CDH13: variants seen among roughly 807,000 people sequenced by gnomAD.
CDH13 encodes cadherin 13.
A neutral mutation model predicts 63.8 loss-of-function variants in CDH13; 24 were observed. That is an observed-to-expected ratio of 0.38 (90% CI 0.27 to 0.53). The LOEUF (loss-of-function observed/expected upper bound fraction) is 0.53, where lower values mean the gene tolerates loss of function less well. CDH13 is among the 20% of genes least tolerant of loss of function. The pLI is 0.85. For missense variants in CDH13, 1,049 were observed against 903.1 expected (o/e 1.16, Z -2.07); for synonymous variants, 503 against 355.3 (o/e 1.42, Z -4.67).
intron 2 of CDH13, among the ~76,000 whole-genome samples, chr16:82,983,772 C>G (rs1910590568): frequency 6.6e-6 from 1 of 152,164 alleles, no homozygotes; most frequent in South Asian, 2.1e-4. Context: ...GTGTGTCTCT[C>G]TGAATTAGTG....
intron 7 of CDH13, among the ~76,000 whole-genome samples, chr16:83,500,300 C>CT (rs1555561933): frequency 0.014 from 13 of 942 alleles, no homozygotes; most frequent in East Asian, 0.25. Flanking sequence ...TCTTCTCCTT[C>CT]TCCTTCTCCT....
intron 10 of CDH13, among the ~76,000 whole-genome samples, chr16:83,684,710 G>A (rs182902956): frequency 8.7e-4 from 132 of 152,298 alleles, no homozygotes; most frequent in African/African-American, 3.0e-3. Context: ...GAAAAATATT[G>A]TTCCTACCCA....
intron 6 of CDH13, among the ~76,000 whole-genome samples, chr16:83,449,716 T>A (rs879297889): frequency 2.6e-5 from 4 of 152,220 alleles, no homozygotes; most frequent in Non-Finnish European, 5.9e-5. Flanking sequence ...CAAGTCCCTG[T>A]TCTGCAACTT....
chr16:82,891,214 T>G (rs2151221985), intron 2 of CDH13, among the ~76,000 whole-genome samples: 1 of 152,280 alleles, frequency 6.6e-6, no homozygotes, highest in East Asian at 1.9e-4. Context: ...ATGCTGGAAC[T>G]TATGTGGAGA....
chr16:83,182,105 T>G (rs1163264518), intron 4 of CDH13, among the ~76,000 whole-genome samples: 2 of 152,202 alleles, frequency 1.3e-5, no homozygotes, highest in African/African-American at 4.8e-5. Flanking sequence ...AGCTACATCC[T>G]AACAAATATT....
At chr16:83,336,181 A>G (rs376939676) in intron 5 of CDH13, among the ~76,000 whole-genome samples, 1 of 151,910 alleles carries the variant, frequency 6.6e-6, no homozygotes, top group Non-Finnish European at 1.5e-5. Context: ...CATATCTGTA[A>G]TCGCAGCTAC....
At chr16:83,679,715 G>A (rs139237252) in intron 10 of CDH13, among the ~76,000 whole-genome samples, 12 of 152,282 alleles carry the variant, frequency 7.9e-5, no homozygotes, top group Middle Eastern at 3.4e-3. Context: ...GGGAAAACTC[G>A]TAGCTTAACA....
chr16:83,116,821 C>T (rs2035322484), intron 3 of CDH13, among the ~76,000 whole-genome samples: 1 of 152,148 alleles, frequency 6.6e-6, no homozygotes, highest in African/African-American at 2.4e-5. Flanking sequence ...GAGAGGGGCT[C>T]CAGCCAGAGA....
intron 2 of CDH13, among the ~76,000 whole-genome samples, chr16:82,938,281 G>T (rs569766298): frequency 6.6e-6 from 1 of 152,138 alleles, no homozygotes; most frequent in African/African-American, 2.4e-5. Context: ...AAAAGGAATC[G>T]TGATAAGGTG....
rs750711823 is a variant in CDH13 at position 83,120,763 on chromosome 16, C to CTTTTT, written c.367-4610_367-4606dup. Among the ~76,000 whole-genome samples the CTTTTT allele has an allele frequency of 8.3e-5, 5 of 60,222 alleles. 1 individual carries two copies. The highest frequency in any genetic ancestry group is 2.6e-4 in the Admixed American group (1 of 3,850). The allele number at this position is 60,222 out of a possible 152,430, so 39.5% of individuals were successfully genotyped here. Reference sequence around the variant, plus strand: ...AATACAACGCGCTCTAATTTTCTTTCTTTTTTTTTTTTTTTTCTGAGATGG... The same window carrying CTTTTT: ...AATACAACGCGCTCTAATTTTCTTTCTTTTTTTTTTTTTTTTTTTTTCTGAGATGG... On this transcript the variant is annotated intron_variant, in intron 3 of 13. Coordinates refer to ENST00000567109, the MANE Select transcript of CDH13 (RefSeq NM_001257.5).
At chr16:82,791,002 C>T (rs1434314105) in intron 1 of CDH13, among the ~76,000 whole-genome samples, 1 of 152,176 alleles carries the variant, frequency 6.6e-6, no homozygotes, top group Non-Finnish European at 1.5e-5. Flanking sequence ...CTTTGGGAGG[C>T]CGAGGCGGGC....
intron 2 of CDH13, among the ~76,000 whole-genome samples, chr16:82,863,850 C>T (rs2040032356): frequency 6.6e-6 from 1 of 151,934 alleles, no homozygotes; most frequent in Admixed American, 6.6e-5. Flanking sequence ...ACTTCATGGA[C>T]CAGTAATTTT....
intron 4 of CDH13, among the ~76,000 whole-genome samples, chr16:83,216,553 AAT>A (rs1481073835): frequency 7.0e-6 from 1 of 142,150 alleles, no homozygotes; most frequent in Admixed American, 7.3e-5. Flanking sequence ...AATGGGGTTT[AAT>A]ATATATAATA....
intron 6 of CDH13, among the ~76,000 whole-genome samples, chr16:83,376,479 G>A (rs1219298357): frequency 6.6e-6 from 1 of 152,178 alleles, no homozygotes; most frequent in Non-Finnish European, 1.5e-5. Flanking sequence ...TAGCTAGTAT[G>A]CAAAGATGTC....
At chr16:82,739,487 G>C (rs959860530) in intron 1 of CDH13, among the ~76,000 whole-genome samples, 5 of 152,172 alleles carry the variant, frequency 3.3e-5, no homozygotes, top group African/African-American at 1.2e-4. Flanking sequence ...AGTGAGAGAA[G>C]ACCAAGTAAC....
intron 1 of CDH13, among the ~76,000 whole-genome samples, chr16:82,737,987 G>A (rs1325621815): frequency 1.3e-5 from 2 of 152,122 alleles, no homozygotes; most frequent in Non-Finnish European, 2.9e-5. Flanking sequence ...CACCCACCAT[G>A]CAATCTACCC....
rs373152582 is a variant in CDH13, at chr16:83,532,512, G to C, written c.960+45857G>C. 2.0e-5 allele frequency among the ~76,000 whole-genome samples: 3 copies of C among 152,270 alleles called. No homozygotes were observed. The East Asian group carries it at 5.8e-4, about 29-fold the overall frequency. ...AGTGAGCTTCCTAGAAGCCACATGC[G>C]GGCTCTTTGCTGCTGCATCCAGAGT... On this transcript the variant is annotated intron_variant, in intron 7 of 13. Coordinates refer to ENST00000567109, the MANE Select transcript of CDH13 (RefSeq NM_001257.5).
chr16:83,317,845 C>T (rs1376415084), intron 5 of CDH13, among the ~76,000 whole-genome samples: 2 of 151,910 alleles, frequency 1.3e-5, no homozygotes, highest in African/African-American at 4.8e-5. Context: ...CAATGCTCCC[C>T]ACTCCCAAGT....
At chr16:83,495,982 A>C (rs1232706690) in intron 7 of CDH13, among the ~76,000 whole-genome samples, 1 of 151,712 alleles carries the variant, frequency 6.6e-6, no homozygotes, top group African/African-American at 2.4e-5. Flanking sequence ...AAGGAGAACT[A>C]CAAACCACTG....
Sources: gnomAD v4.1 joint callset for allele counts (sites outside exome capture counted in the v4.1 genomes callset) on GRCh38, gnomAD v4.1.1 for gene constraint, MANE v1.5 for transcripts, NCBI Gene and HGNC (gene_info 2026-07-23, HGNC 2026-07-21) for gene names.